The following POLR3E variants were observed in gnomAD, a reference collection of about 807,000 sequenced individuals.
POLR3E encodes DNA-directed RNA polymerase III subunit RPC5.
POLR3E carries 41 observed loss-of-function variants against 96.6 expected under a neutral mutation model. That is an observed-to-expected ratio of 0.42 (90% CI 0.33 to 0.55). POLR3E has a LOEUF of 0.55. POLR3E is among the 20% of genes least tolerant of loss of function. The pLI is 0.06. For synonymous variants in POLR3E, 396 were observed against 383.6 expected (o/e 1.03, Z -0.38); for missense variants, 849 against 952.1 (o/e 0.89, Z 1.43).
chr16:22,317,638 T>TGTTG (rs2048384923), intron 12 of POLR3E, among the ~76,000 whole-genome samples: 1 of 151,112 alleles, frequency 6.6e-6, no homozygotes, highest in African/African-American at 2.4e-5. Context: ...CTAGGGGCTT[T>TGTTG]TTGTTGTTGT....
Position 22,335,074 on chromosome 16 carries a change from AAAAGT to A in POLR3E, c.*1380_*1384del, listed in dbSNP as rs2048821902. 1 of 152,248 alleles carries A rather than the reference AAAAGT, an allele frequency of 6.6e-6. No homozygotes were observed. Among genetic ancestry groups the A allele is most frequent in the Non-Finnish European group, 1.5e-5 (1 of 68,052 alleles). 9.4% of individuals were successfully genotyped at this position (152,248 alleles called of 1,614,324 possible). A position where few individuals can be genotyped will look rare whatever the true frequency, so the allele number is the denominator to read the frequency against. On this transcript the variant is annotated 3_prime_UTR_variant, in exon 21 of 21. Coordinates refer to ENST00000299853, the MANE Select transcript of POLR3E (RefSeq NM_018119.4). The stretch of plus-strand genomic sequence containing the variant: ...GATTCTGTTAACATATGTGAACCTG[AAAAGT>A]AAAGTTACCAAAAGCGATTTGGAAT...
chr16:22,307,134 G>A (rs1174201359), intron 3 of POLR3E, among the ~76,000 whole-genome samples: 1 of 152,200 alleles, frequency 6.6e-6, no homozygotes, highest in Non-Finnish European at 1.5e-5. Flanking sequence ...GCGGCCTTGG[G>A]AGGTGAGGAT....
chr16:22,332,698 A>C (rs969697387), intron 20 of POLR3E, among the ~76,000 whole-genome samples: 2 of 152,186 alleles, frequency 1.3e-5, no homozygotes, highest in Non-Finnish European at 2.9e-5. Context: ...TGCCATAGCC[A>C]CACACATGAC....
chr16:22,320,277 T>A (rs112839232), intron 13 of POLR3E, among the ~76,000 whole-genome samples: 31 of 152,206 alleles, frequency 2.0e-4, no homozygotes, highest in Non-Finnish European at 2.2e-4. Flanking sequence ...TTTTATTTTT[T>A]TTTTGAGATA....
At chr16:22,319,607 G>C (rs2048430098) in intron 13 of POLR3E, among the ~76,000 whole-genome samples, 1 of 152,012 alleles carries the variant, frequency 6.6e-6, no homozygotes, top group Admixed American at 6.6e-5. Flanking sequence ...CACTGTGTTA[G>C]CCAAGATGGT....
intron 6 of POLR3E, among the ~76,000 whole-genome samples, chr16:22,311,100 G>A (rs1438681821): frequency 6.6e-6 from 1 of 151,958 alleles, no homozygotes; most frequent in Admixed American, 6.6e-5. Context: ...CGAGTAGCTG[G>A]GACTACAGGT....
rs374224171 is a variant in POLR3E, at chr16:22,317,220, C to A, written c.865+14C>A. ...TGATGAAGAATGGTGGGTGCCTACC[C>A]CCTGCCCACCCGGGGGCCCCAGTCC... On this transcript the variant is annotated intron_variant, in intron 12 of 20. Coordinates refer to ENST00000299853, the MANE Select transcript of POLR3E (RefSeq NM_018119.4). 1.4e-5 allele frequency: 22 copies of A among 1,600,616 alleles called. No homozygotes were observed. Among genetic ancestry groups the A allele is most frequent in the Non-Finnish European group, 1.9e-5 (22 of 1,172,054 alleles).
intron 8 of POLR3E, 23 bp downstream of exon 8, chr16:22,314,151 G>C: frequency 6.2e-7 from 1 of 1,608,768 alleles, no homozygotes; most frequent in Non-Finnish European, 8.5e-7. Context: ...CCCTGGAGGA[G>C]GAGGGTGCTG....
intron 20 of POLR3E, among the ~76,000 whole-genome samples, chr16:22,333,417 A>C (rs1417843170): frequency 1.3e-5 from 2 of 148,838 alleles, no homozygotes; most frequent in African/African-American, 5.0e-5. Flanking sequence ...ATGCCGTTGC[A>C]CTCCAGCCTG....
In POLR3E at chr16:22,313,602, C is replaced by T; in HGVS notation, c.365-18C>T. ...GTGGGTTTCTAGAGTTGAGTCCAAG[C>T]CCTTCTTCCTCCGCCAGGTGAGCTC... is the stretch of plus-strand genomic sequence containing the variant. On this transcript the variant is annotated intron_variant, in intron 6 of 20. Coordinates refer to ENST00000299853, the MANE Select transcript of POLR3E (RefSeq NM_018119.4). This position sits in a 1 kb window ranked among gnomAD's most constrained non-coding sequence, Gnocchi z 4.1. 6.4e-7 allele frequency: 1 copy of T among 1,574,074 alleles called. No homozygotes were observed. Among genetic ancestry groups the T allele is most frequent in the Middle Eastern group, 1.7e-4 (1 of 5,954 alleles).
intron 2 of POLR3E, among the ~76,000 whole-genome samples, chr16:22,304,790 G>A (rs1159397458): frequency 6.6e-6 from 1 of 152,196 alleles, no homozygotes; most frequent in Non-Finnish European, 1.5e-5. Context: ...CAGCCAGGAG[G>A]CACAGGCCTA....
At position 22,326,252 on chromosome 16, in the gene POLR3E, G is replaced by A. The variant is rs368901417; in HGVS notation, c.1840G>A (p.Ala614Thr). 8.9e-6 allele frequency: 14 copies of A among 1,578,882 alleles called. No individual in the cohort carries two copies. Among genetic ancestry groups the A allele is most frequent in the Non-Finnish European group, 1.2e-5 (14 of 1,159,024 alleles). The change falls in exon 18 of 21, where the codon GCC becomes ACC. Residue 614 changes from alanine to threonine, a missense_variant. Ala to Thr is a moderately conservative substitution (Grantham distance 58). Coordinates refer to ENST00000299853, the MANE Select transcript of POLR3E (RefSeq NM_018119.4). ...CATGCTACAGGACACGGTGCTGGCC[G>A]CCGGTTGCAAGCAGATACTGGTGCC... is the stretch of plus-strand genomic sequence containing the variant. ...DRMLQDTVLA[A>T]GCKQILVPFP...
chr16:22,299,644 C>T (rs2047979957), intron 1 of POLR3E, among the ~76,000 whole-genome samples: 2 of 152,028 alleles, frequency 1.3e-5, no homozygotes, highest in African/African-American at 2.4e-5. Flanking sequence ...GAACTCCTGA[C>T]CTCAGGTGAT....
intron 8 of POLR3E, chr16:22,314,884 A>C (rs2048322151): frequency 2.0e-6 from 1 of 487,958 alleles, no homozygotes; most frequent in Non-Finnish European, 3.7e-6. Context: ...GGCAGGCACG[A>C]GCAAGTATAA....
Position 22,330,988 on chromosome 16 carries a change from C to CTTTTTTTTTTTTT in POLR3E, c.1945-1050_1945-1038dup, listed in dbSNP as rs56100056. On this transcript the variant is annotated intron_variant, in intron 19 of 20. Transcript: ENST00000299853. The stretch of plus-strand genomic sequence containing the variant: ...GACAAATAGTGATACATGAAGCATC[C>CTTTTTTTTTTTTT]TTTTTTTTTTTTTTTTTTTTTTTTT... 2.2e-4 allele frequency among the ~76,000 whole-genome samples: 11 copies of CTTTTTTTTTTTTT among 50,764 alleles called. 4 individuals carry two copies. Among genetic ancestry groups the CTTTTTTTTTTTTT allele is most frequent in the Admixed American group, 8.4e-4 (2 of 2,390 alleles). 33.3% of individuals were successfully genotyped at this position (50,764 alleles called of 152,430 possible). A position where few individuals can be genotyped will look rare whatever the true frequency, so the allele number is the denominator to read the frequency against.
chr16:22,316,977 C>T lies in POLR3E; in HGVS notation c.729-18C>T, dbSNP rs1490534772. The T allele has an allele frequency of 6.2e-7, 1 of 1,613,800 alleles. No homozygotes were observed. Among genetic ancestry groups the T allele is most frequent in the Admixed American group, 1.7e-5 (1 of 60,030 alleles). On this transcript the variant is annotated intron_variant, in intron 10 of 20. Coordinates refer to ENST00000299853, the MANE Select transcript of POLR3E (RefSeq NM_018119.4). ...CCTGGATCAGCCCTGAGCCTCTGCC[C>T]CTGCCATGTCCCTGCAGTGAGTACC...
At chr16:22,328,222 C>T (rs913023941) in intron 18 of POLR3E, 12 of 414,226 alleles carry the variant, frequency 2.9e-5, no homozygotes, top group African/African-American at 1.0e-4. Context: ...CCCCACTGTA[C>T]GGAGGATATC....
At chr16:22,324,782 G>A in intron 16 of POLR3E, 122 bp downstream of exon 16, 2 of 1,111,542 alleles carry the variant, frequency 1.8e-6, no homozygotes, top group Admixed American at 3.6e-5. Flanking sequence ...GAGCGCAGTT[G>A]GGCTGGATCT....
At chr16:22,324,773 A>G in intron 16 of POLR3E, 113 bp downstream of exon 16, 1 of 1,200,542 alleles carries the variant, frequency 8.3e-7, no homozygotes, top group Non-Finnish European at 1.2e-6. Context: ...ATCTGGGGAG[A>G]GCGCAGTTGG....
Sources: allele counts gnomAD v4.1 joint callset (sites outside exome capture counted in the v4.1 genomes callset), GRCh38; gene constraint gnomAD v4.1.1; non-coding constraint Gnocchi (gnomAD v3.1); transcripts MANE v1.5; gene names NCBI Gene and HGNC (gene_info 2026-07-23, HGNC 2026-07-21).